Variants in ZNF782 observed in about 807,000 individuals in gnomAD.
The protein encoded by ZNF782 is zinc finger protein 782.
A neutral mutation model predicts 13.0 loss-of-function variants in ZNF782; 12 were observed. That is an observed-to-expected ratio of 0.92 (90% confidence interval 0.59 to 1.50). The LOEUF (loss-of-function observed/expected upper bound fraction) is 1.50, where lower values mean the gene tolerates loss of function less well. ZNF782 is among the 40% of genes most tolerant of loss of function. The pLI, the probability that ZNF782 is intolerant of heterozygous loss-of-function variation, is 0.00. For missense variants in ZNF782, 770 were observed against 822.9 expected, an observed-to-expected ratio of 0.94 and a Z score of 0.79; for synonymous variants, 284 against 283.0, an observed-to-expected ratio of 1.00 and a Z score of -0.04.
intron 3 of ZNF782, 49 bp from the exon 4 acceptor site, chr9:96,845,065 G>A (rs1564008207): frequency 4.4e-6 from 7 of 1,605,264 alleles, no homozygotes; most frequent in Non-Finnish European, 6.0e-6. Context: ...ATCAAGGAAA[G>A]GAAAACGTTT....
At chr9:96,842,496 G>C (rs562870698) in intron 4 of ZNF782, among the ~76,000 whole-genome samples, 14 of 152,020 alleles carry the variant, frequency 9.2e-5, no homozygotes, top group Non-Finnish European at 1.8e-4. Context: ...GTGTTGCATG[G>C]AGCAAATGGA....
chr9:96,918,705 C>T, the ZNF782 span: 20 of 154,916 alleles, frequency 1.3e-4, no homozygotes, highest in African/African-American at 4.4e-4. Flanking sequence ...CAGAGGGAGC[C>T]CTGCCGTCCA....
At chr9:96,911,044 G>C in the ZNF782 span, among the ~76,000 whole-genome samples, 1 of 148,356 alleles carries the variant, frequency 6.7e-6, no homozygotes, top group African/African-American at 2.5e-5. Flanking sequence ...AATGATCTCG[G>C]ATGACCAAAC....
intron 1 of ZNF782, among the ~76,000 whole-genome samples, chr9:96,868,700 G>A (rs1386277605): frequency 6.6e-6 from 1 of 152,168 alleles, no homozygotes; most frequent in Non-Finnish European, 1.5e-5. Flanking sequence ...AGTTTTCAAA[G>A]AGAACTGGGA....
chr9:96,831,713 A>C (rs889357899), intron 4 of ZNF782, among the ~76,000 whole-genome samples: 1 of 103,388 alleles, frequency 9.7e-6, no homozygotes, highest in South Asian at 2.9e-4. Flanking sequence ...ACTCTGTCTC[A>C]AAAAAAAAAA....
In ZNF782 at chr9:96,818,773, G is replaced by A. The variant is rs769362393; in HGVS notation, c.1250C>T (p.Thr417Met). 3.9e-5 allele frequency: 63 copies of A among 1,613,662 alleles called. No homozygotes were observed. Among genetic ancestry groups the A allele is most frequent in the Middle Eastern group, 3.3e-4 (2 of 6,084 alleles). The change falls in exon 6 of 6, where the codon ACG (threonine) becomes ATG (methionine). Residue 417 changes from threonine to methionine, a missense_variant. Thr to Met is a moderately conservative substitution (Grantham distance 81). Transcript: ENST00000481138. ...ATCACATTTGTATGGTTTCTCTCCC[G>A]TGTGAGTTCTCTGATGTTTTCTTAG... is the stretch of plus-strand genomic sequence containing the variant. ...SRLRKHQRTHTGEKPYKCDGC... is the reference protein window; with the variant it reads ...SRLRKHQRTHMGEKPYKCDGC...
upstream of ZNF782, among the ~76,000 whole-genome samples, chr9:96,856,840 AT>A (rs1172848363): frequency 6.6e-6 from 1 of 152,206 alleles, no homozygotes; most frequent in Non-Finnish European, 1.5e-5. Flanking sequence ...AGACAGAACA[AT>A]TTTTATGATG....
In ZNF782 at chr9:96,817,682, G is replaced by C; in HGVS notation, c.*241C>G. On this transcript the variant is annotated 3_prime_UTR_variant, in exon 6 of 6. Coordinates refer to ENST00000481138, the MANE Select transcript of ZNF782 (RefSeq NM_001001662.3). The stretch of plus-strand genomic sequence containing the variant: ...ATTTTCCATATTCATTATGTTTATA[G>C]GGTTTCTTTGCTGTGTGAGTTCTGT... 5.1e-6 allele frequency: 2 copies of C among 390,644 alleles called. No homozygotes were observed. The highest frequency in any genetic ancestry group is 9.5e-5 in the South Asian group (1 of 10,536). The allele number at this position is 390,644 out of a possible 1,614,324, so 24.2% of individuals were successfully genotyped here. A position where few individuals can be genotyped will look rare whatever the true frequency, so the allele number is the denominator to read the frequency against.
chr9:96,925,509 G>T, the ZNF782 span, among the ~76,000 whole-genome samples: 239 of 151,738 alleles, frequency 1.6e-3, 2 homozygotes, highest in African/African-American at 5.4e-3. Context: ...GTGGTGGCGC[G>T]CACTTGTAGT....
At chr9:96,837,499 A>AT (rs1218961719) in intron 4 of ZNF782, among the ~76,000 whole-genome samples, 1 of 151,298 alleles carries the variant, frequency 6.6e-6, no homozygotes, top group Admixed American at 6.6e-5. Context: ...GGTTTCATTG[A>AT]TTTTCTCTAT....
chr9:96,839,140 GT>G (rs1378732791), intron 4 of ZNF782, among the ~76,000 whole-genome samples: 3 of 152,048 alleles, frequency 2.0e-5, no homozygotes, highest in Admixed American at 6.6e-5. Context: ...GTGGAAGTCA[GT>G]TTTTGGTGAT....
chr9:96,896,161 C>T, the ZNF782 span: 4 of 152,270 alleles, frequency 2.6e-5, no homozygotes, highest in Middle Eastern at 3.4e-3. Context: ...ATTAATACAT[C>T]CCCTGGTACC....
rs527467184 is a variant in ZNF782 at position 96,850,099 on chromosome 9, A to C, written c.15+1848T>G. On this transcript the variant is annotated intron_variant, in intron 3 of 5. Transcript: ENST00000481138. The surrounding 1 kb of genome is among the most constrained non-coding windows in gnomAD (Gnocchi z 4.3). ...GACAACCTCTATGGAAAAAGTATGG[A>C]GATTCCTTAAAGAACTAAAAGTAGA... 6.6e-6 allele frequency among the ~76,000 whole-genome samples: 1 copy of C among 152,348 alleles called. No individual in the cohort carries two copies. Among genetic ancestry groups the C allele is most frequent in the South Asian group, 2.1e-4 (1 of 4,830 alleles).
the ZNF782 span, among the ~76,000 whole-genome samples, chr9:96,909,748 A>G: frequency 9.9e-5 from 15 of 152,042 alleles, no homozygotes; most frequent in African/African-American, 3.6e-4. Context: ...TGTTTCATGC[A>G]TAAAGTCATC....
At chr9:96,845,837 AG>A (rs1372957312) in intron 3 of ZNF782, among the ~76,000 whole-genome samples, 7 of 152,252 alleles carry the variant, frequency 4.6e-5, no homozygotes, top group Admixed American at 2.0e-4. Context: ...TCCCAATCCA[AG>A]AAGGTCAAAG....
chr9:96,825,970 C>G lies in ZNF782; in HGVS notation c.244+1110G>C, dbSNP rs1588150533. 3.3e-5 allele frequency among the ~76,000 whole-genome samples: 5 copies of G among 152,066 alleles called. 1 individual carries two copies. Among genetic ancestry groups the G allele is most frequent in the African/African-American group, 1.2e-4 (5 of 41,468 alleles). ...TTGGTGGGACTGTAAACTAGTTCAA[C>G]CATTGTGGAAGTCAGTGTGGCAATT... On this transcript the variant is annotated intron_variant, in intron 5 of 5. Coordinates refer to ENST00000481138, the MANE Select transcript of ZNF782 (RefSeq NM_001001662.3).
At chr9:96,890,004 A>C in the ZNF782 span, 1 of 152,248 alleles carries the variant, frequency 6.6e-6, no homozygotes, top group Admixed American at 6.5e-5. Flanking sequence ...TCCCTGGTGA[A>C]GCCGTCCTGG....
At chr9:96,903,723 C>T in the ZNF782 span, among the ~76,000 whole-genome samples, 2 of 151,288 alleles carry the variant, frequency 1.3e-5, no homozygotes, top group African/African-American at 2.4e-5. Flanking sequence ...CCACCACACC[C>T]GGCTAATTTT....
intron 1 of ZNF782, among the ~76,000 whole-genome samples, chr9:96,861,981 T>A (rs996357977): frequency 4.6e-5 from 7 of 152,218 alleles, no homozygotes; most frequent in Non-Finnish European, 2.9e-5. Flanking sequence ...TGCAGCACTG[T>A]TCACAACAGC....
Sources: gnomAD v4.1 joint callset for allele counts (sites outside exome capture counted in the v4.1 genomes callset) on GRCh38, gnomAD v4.1.1 for gene constraint, Gnocchi (gnomAD v3.1) non-coding constraint, MANE v1.5 for transcripts, NCBI Gene and HGNC (gene_info 2026-07-23, HGNC 2026-07-21) for gene names.